Variants in STAM observed in about 807,000 individuals in gnomAD.
STAM encodes signal transducing adaptor molecule.
Under a neutral mutation model 63.4 loss-of-function variants are expected in STAM, and 16 were observed. The observed-to-expected ratio is 0.25, with a 90% CI of 0.17 to 0.38. The LOEUF (loss-of-function observed/expected upper bound fraction) is 0.38, where lower values mean the gene tolerates loss of function less well. STAM is among the 10% of genes least tolerant of loss of function. The pLI, the probability that STAM is intolerant of heterozygous loss-of-function variation, is 1.00. For synonymous variants in STAM, 238 were observed against 223.9 expected, an observed-to-expected ratio of 1.06 and a Z score of -0.56; for missense variants, 636 against 657.1, an observed-to-expected ratio of 0.97 and a Z score of 0.35.
intron 2 of STAM, among the ~76,000 whole-genome samples, chr10:17,679,744 T>G (rs1390889097): frequency 6.6e-6 from 1 of 151,976 alleles, no homozygotes; most frequent in Non-Finnish European, 1.5e-5. Context: ...TGTTTCTTCT[T>G]AAGTCAGTTT....
At chr10:17,658,235 C>T (rs1033355382) in intron 1 of STAM, among the ~76,000 whole-genome samples, 5 of 151,622 alleles carry the variant, frequency 3.3e-5, no homozygotes, top group African/African-American at 1.2e-4. Context: ...TGTTAGTCTC[C>T]ATGTACTTTG....
At chr10:17,711,420 T>TA (rs1366676811) in intron 13 of STAM, among the ~76,000 whole-genome samples, 36 of 152,364 alleles carry the variant, frequency 2.4e-4, no homozygotes, top group African/African-American at 8.7e-4. Context: ...GGCACTGTGT[T>TA]AGACACCTGA....
At chr10:17,667,605 T>C (rs1286619861) in intron 2 of STAM, among the ~76,000 whole-genome samples, 1 of 152,252 alleles carries the variant, frequency 6.6e-6, no homozygotes, top group Non-Finnish European at 1.5e-5. Context: ...AGGCATAGCC[T>C]TTGCCGTCAA....
chr10:17,664,727 T>C (rs1410589297), intron 2 of STAM, among the ~76,000 whole-genome samples: 6 of 152,048 alleles, frequency 3.9e-5, no homozygotes, highest in Non-Finnish European at 7.4e-5. Flanking sequence ...TAGAGGAATG[T>C]TGTAGATTGG....
rs76381388 is a variant in STAM at position 17,669,884 on chromosome 10, C to CTTT, written c.125+9353_125+9355dup. 3.0e-3 allele frequency among the ~76,000 whole-genome samples: 364 copies of CTTT among 120,740 alleles called. 2 individuals carry two copies. The highest frequency in any genetic ancestry group is 7.8e-3 in the African/African-American group (245 of 31,548). 79.2% of individuals were successfully genotyped at this position (120,740 alleles called of 152,430 possible). A position where few individuals can be genotyped will look rare whatever the true frequency, so the allele number is the denominator to read the frequency against. ...TATGCCCGGCCAATTCTTTTCTTTT[C>CTTT]TTTTTTTTTTTTTTTTTTTGTATTT... On this transcript the variant is annotated intron_variant, in intron 2 of 13. Transcript: ENST00000377524.
chr10:17,659,004 G>C (rs1252925069), intron 1 of STAM, among the ~76,000 whole-genome samples: 1 of 151,666 alleles, frequency 6.6e-6, no homozygotes, highest in African/African-American at 2.4e-5. Context: ...CTTGTTCTTT[G>C]TTCCCATTTT....
chr10:17,652,237 T>G (rs558024549), intron 1 of STAM, among the ~76,000 whole-genome samples: 2 of 151,306 alleles, frequency 1.3e-5, no homozygotes, highest in Non-Finnish European at 3.0e-5. Context: ...GTAGTTTATA[T>G]CCTTCTGATT....
intron 13 of STAM, among the ~76,000 whole-genome samples, chr10:17,711,323 T>A (rs1174540215): frequency 6.6e-6 from 1 of 152,146 alleles, no homozygotes; most frequent in Non-Finnish European, 1.5e-5. Flanking sequence ...TGATAATAAG[T>A]GACAATTACT....
intron 13 of STAM, among the ~76,000 whole-genome samples, chr10:17,711,546 G>A (rs1334889695): frequency 1.3e-5 from 2 of 152,166 alleles, no homozygotes; most frequent in African/African-American, 2.4e-5. Context: ...TACCTTAGGA[G>A]CCTCAGGGTT....
chr10:17,681,479 T>C (rs1323634391), intron 2 of STAM, among the ~76,000 whole-genome samples: 2 of 152,190 alleles, frequency 1.3e-5, no homozygotes, highest in African/African-American at 2.4e-5. Context: ...CTGTAGAGAC[T>C]TGTTTTATGG....
intron 2 of STAM, among the ~76,000 whole-genome samples, chr10:17,684,103 C>T (rs561852331): frequency 6.6e-6 from 1 of 152,232 alleles, no homozygotes; most frequent in African/African-American, 2.4e-5. Context: ...TTTAGCATAT[C>T]GCCCTCGGTC....
chr10:17,715,590 G>A lies in STAM; in HGVS notation c.*810G>A, dbSNP rs1554830800. 1 of 152,498 alleles carries A rather than the reference G, an allele frequency of 6.6e-6. No homozygotes were observed. 9.4% of individuals were successfully genotyped at this position (152,498 alleles called of 1,614,324 possible). A position where few individuals can be genotyped will look rare whatever the true frequency, so the allele number is the denominator to read the frequency against. ...GGGACCATGAGACAAAATTAAGTAC[G>A]ATCACATTCTTTATTTCTCATTTTA... On this transcript the variant is annotated 3_prime_UTR_variant, in exon 14 of 14. Transcript: ENST00000377524.
rs782265600 is a variant in STAM at position 17,708,888 on chromosome 10, C to A, written c.1322C>A (p.Ala441Glu). Reference protein sequence around the residue: ...PPEQLSSLSQAVVPPSANPAL... With the variant: ...PPEQLSSLSQEVVPPSANPAL... Reference sequence around the variant, plus strand: ...GAGCAGCTGTCTTCTCTCAGCCAGGCAGTGGTCCCACCATCCGCAAACCCA... The same window carrying A: ...GAGCAGCTGTCTTCTCTCAGCCAGGAAGTGGTCCCACCATCCGCAAACCCA... The change falls in exon 13 of 14, where the codon GCA becomes GAA. Residue 441 changes from alanine to glutamate, a missense_variant. Ala to Glu is a moderately radical substitution (Grantham distance 107, BLOSUM62 -1). Around this residue, in one of 3 missense-constraint regions of STAM, gnomAD observed 532 missense variants for 536.9 expected, o/e 0.99. Transcript: ENST00000377524. The A allele has an allele frequency of 1.7e-5, 28 of 1,614,074 alleles. No individual in the cohort carries two copies. The highest frequency in any genetic ancestry group is 2.2e-5 in the Non-Finnish European group (26 of 1,180,026).
intron 1 of STAM, among the ~76,000 whole-genome samples, chr10:17,648,607 AG>A (rs1490233654): frequency 2.6e-5 from 4 of 152,154 alleles, no homozygotes; most frequent in Non-Finnish European, 5.9e-5. Context: ...AACCCACCAG[AG>A]GGAACAAACT....
chr10:17,688,520 T>G (rs2131640078), intron 5 of STAM, among the ~76,000 whole-genome samples: 1 of 152,274 alleles, frequency 6.6e-6, no homozygotes, highest in African/African-American at 2.4e-5. Flanking sequence ...TAGAGTGCAG[T>G]AGCGTGATCT....
intron 4 of STAM, among the ~76,000 whole-genome samples, chr10:17,685,675 C>G (rs531655136): frequency 1.3e-5 from 2 of 152,258 alleles, no homozygotes; most frequent in South Asian, 4.1e-4. Flanking sequence ...TGAGAATGTT[C>G]AAGGCCCCAG....
chr10:17,714,452 G>C (rs559251297), intron 13 of STAM, 91 bp from the exon 14 acceptor site: 5 of 1,196,054 alleles, frequency 4.2e-6, no homozygotes, highest in Non-Finnish European at 6.2e-6. Flanking sequence ...TTGACTATAT[G>C]AATGAATGCT....
intron 2 of STAM, among the ~76,000 whole-genome samples, chr10:17,677,848 T>C (rs782268010): frequency 2.0e-5 from 3 of 152,192 alleles, no homozygotes; most frequent in Non-Finnish European, 4.4e-5. Context: ...AATTTTTCTA[T>C]ATAATTATTA....
intron 2 of STAM, chr10:17,673,174 C>A: frequency 3.3e-6 from 1 of 302,350 alleles, no homozygotes; most frequent in Non-Finnish European, 4.9e-6. Flanking sequence ...TTATTGCCAC[C>A]CGTCTCTTCT....
Sources: gnomAD v4.1 joint callset for allele counts (sites outside exome capture counted in the v4.1 genomes callset) on GRCh38, gnomAD v4.1.1 for gene constraint, gnomAD v4.1.1 regional missense constraint, MANE v1.5 for transcripts, NCBI Gene and HGNC (gene_info 2026-07-23, HGNC 2026-07-21) for gene names.